The following TNNI3K variants were observed in gnomAD, a reference collection of about 807,000 sequenced individuals.
TNNI3K encodes the protein TNNI3 interacting kinase, also known as serine/threonine-protein kinase TNNI3K.
Under a neutral mutation model 114.5 loss-of-function variants are expected in TNNI3K, and 140 were observed. The observed-to-expected ratio is 1.22, with a 90% CI of 1.07 to 1.41. TNNI3K has a LOEUF of 1.41. Among genes scored for constraint, TNNI3K ranks in the 40% most tolerant of loss-of-function variants. The pLI is 0.00. For synonymous variants in TNNI3K, 347 were observed against 347.5 expected (o/e 1.00, Z 0.02); for missense variants, 1,125 against 1,007.6 (o/e 1.12, Z -1.58).
intron 11 of TNNI3K, among the ~76,000 whole-genome samples, chr1:74,365,109 G>A (rs1662201258): frequency 1.3e-5 from 2 of 152,020 alleles, no homozygotes; most frequent in Admixed American, 6.6e-5. Context: ...GCAGTGACAA[G>A]ACCCAAAATG....
chr1:74,463,370 G>A (rs1385023789), intron 20 of TNNI3K, 71 bp from the exon 21 acceptor site: 2 of 1,517,610 alleles, frequency 1.3e-6, no homozygotes, highest in Non-Finnish European at 1.8e-6. Context: ...CTTTTTGTGT[G>A]TGTGTGTCTT....
chr1:74,543,130 G>T (rs535606455), intron 24 of TNNI3K, among the ~76,000 whole-genome samples: 1 of 130,862 alleles, frequency 7.6e-6, no homozygotes, highest in Admixed American at 9.0e-5. Flanking sequence ...GCTGGAGTGC[G>T]GTGGTGCGAT....
chr1:74,269,026 A>G (rs1417146215), intron 4 of TNNI3K, among the ~76,000 whole-genome samples: 4 of 151,926 alleles, frequency 2.6e-5, no homozygotes, highest in South Asian at 2.1e-4. Flanking sequence ...CTGGTCTTCA[A>G]ACACAACAAG....
intron 11 of TNNI3K, among the ~76,000 whole-genome samples, chr1:74,365,209 T>A (rs1662206414): frequency 6.6e-6 from 1 of 152,110 alleles, no homozygotes; most frequent in South Asian, 2.1e-4. Context: ...TTATCGTTTC[T>A]AACCTGTAGA....
chr1:74,261,178 G>C (rs1374791368), intron 4 of TNNI3K, among the ~76,000 whole-genome samples: 1 of 151,720 alleles, frequency 6.6e-6, no homozygotes, highest in Non-Finnish European at 1.5e-5. Flanking sequence ...CTATTCAGTT[G>C]AAGTGTCTAT....
intron 4 of TNNI3K, among the ~76,000 whole-genome samples, chr1:74,267,447 CTGGG>C (rs146617841): frequency 0.011 from 1,654 of 151,960 alleles, 22 homozygotes; most frequent in African/African-American, 0.038. Context: ...TCCAACAGAC[CTGGG>C]TTTGCATCTA....
At chr1:74,466,771 G>A in intron 21 of TNNI3K, among the ~76,000 whole-genome samples, 1 of 152,070 alleles carries the variant, frequency 6.6e-6, no homozygotes, top group Non-Finnish European at 1.5e-5. Flanking sequence ...AAGCTGAGTG[G>A]CAAAGAAAAG....
chr1:74,347,736 T>A (rs1570497764), intron 9 of TNNI3K, among the ~76,000 whole-genome samples: 1 of 152,242 alleles, frequency 6.6e-6, no homozygotes, highest in East Asian at 1.9e-4. Context: ...TTGATTTGCA[T>A]CTCTCTGATG....
At chr1:74,348,822 C>G (rs1205851862) in intron 9 of TNNI3K, among the ~76,000 whole-genome samples, 1 of 151,728 alleles carries the variant, frequency 6.6e-6, no homozygotes, top group South Asian at 2.1e-4. Context: ...TATAAGAATG[C>G]TTGTGATTTT....
At chr1:74,353,385 T>C (rs201006652) in intron 10 of TNNI3K, 25 bp downstream of exon 10, 1 of 1,607,422 alleles carries the variant, frequency 6.2e-7, no homozygotes, top group Non-Finnish European at 8.5e-7. Flanking sequence ...AAAACACCAC[T>C]AGTTCTATAT....
chr1:74,325,362 G>C (rs1659840051), intron 5 of TNNI3K, among the ~76,000 whole-genome samples: 2 of 152,114 alleles, frequency 1.3e-5, no homozygotes, highest in South Asian at 4.1e-4. Flanking sequence ...GGACGGACCT[G>C]GTGATTATGT....
At chr1:74,350,799 T>C (rs1472666627) in intron 9 of TNNI3K, among the ~76,000 whole-genome samples, 5 of 152,336 alleles carry the variant, frequency 3.3e-5, no homozygotes, top group Admixed American at 1.3e-4. Context: ...CCCTGCCTTT[T>C]TTTGTTTTTC....
At chr1:74,289,264 A>T (rs1657520301) in intron 5 of TNNI3K, among the ~76,000 whole-genome samples, 1 of 151,964 alleles carries the variant, frequency 6.6e-6, no homozygotes, top group Non-Finnish European at 1.5e-5. Flanking sequence ...TTTGATTTTT[A>T]AAAATTAATT....
intron 4 of TNNI3K, among the ~76,000 whole-genome samples, chr1:74,257,763 G>A (rs1427079243): frequency 6.9e-6 from 1 of 144,686 alleles, no homozygotes; most frequent in Non-Finnish European, 1.5e-5. Flanking sequence ...CCGCCTCCCG[G>A]TTCAAGCCAT....
At position 74,369,566 on chromosome 1, in the gene TNNI3K, C is replaced by T. The variant is rs201538953; in HGVS notation, c.1648C>T (p.Leu550Phe). Reference protein sequence around the residue: ...QYISGGSLFSLLHEQKRILDL... With the variant: ...QYISGGSLFSFLHEQKRILDL... ...CATATCAGGGGGTTCTCTGTTCTCC[C>T]TCCTTCATGAGCAGAAGAGGTATGG... is the stretch of plus-strand genomic sequence containing the variant. Residue 550 changes from leucine (L) to phenylalanine (F), a missense_variant, in exon 16 of 25, where the codon CTC (leucine) becomes TTC (phenylalanine). By Grantham distance (22) the Leu-to-Phe change is conservative. Coordinates refer to ENST00000326637, the MANE Select transcript of TNNI3K (RefSeq NM_015978.3). 58 of 1,608,940 alleles carry T rather than the reference C, an allele frequency of 3.6e-5. No individual in the cohort carries two copies. Among genetic ancestry groups the T allele is most frequent in the Non-Finnish European group, 4.7e-5 (55 of 1,177,716 alleles).
chr1:74,354,991 T>A (rs961295937), intron 11 of TNNI3K, among the ~76,000 whole-genome samples: 1 of 152,160 alleles, frequency 6.6e-6, no homozygotes, highest in Non-Finnish European at 1.5e-5. Flanking sequence ...TGAGATATAT[T>A]TGCCTCATAA....
In TNNI3K at chr1:74,450,333, A is replaced by G. The variant is rs561657058; in HGVS notation, c.2011+10711A>G. Among the ~76,000 whole-genome samples the G allele has an allele frequency of 2.6e-5, 4 of 152,080 alleles. No individual in the cohort carries two copies. In the East Asian group the frequency reaches 7.7e-4, roughly 29 times the overall value. ...GATCCAAAATTGACACCCTAACATC[A>G]CAATGAAAAGAACTAGAAAAGCAAG... On this transcript the variant is annotated intron_variant, in intron 20 of 24. Transcript: ENST00000326637.
intron 17 of TNNI3K, among the ~76,000 whole-genome samples, chr1:74,429,540 A>T (rs575369977): frequency 1.3e-5 from 2 of 152,212 alleles, no homozygotes; most frequent in East Asian, 3.9e-4. Flanking sequence ...AGGAAGACTC[A>T]AGAGAAGAGA....
chr1:74,272,776 A>G (rs541530282), intron 5 of TNNI3K, among the ~76,000 whole-genome samples: 1 of 152,066 alleles, frequency 6.6e-6, no homozygotes, highest in South Asian at 2.1e-4. Flanking sequence ...ATCCTCATCG[A>G]ATAGTTTTTA....
Sources: allele counts gnomAD v4.1 joint callset (sites outside exome capture counted in the v4.1 genomes callset), GRCh38; gene constraint gnomAD v4.1.1; transcripts MANE v1.5; gene names NCBI Gene and HGNC (gene_info 2026-07-23, HGNC 2026-07-21).